Variants in ATXN1 observed in about 807,000 individuals in gnomAD.
The protein encoded by ATXN1 is ataxin 1, also known as ataxin-1.
A neutral mutation model predicts 56.4 loss-of-function variants in ATXN1; 8 were observed. That is an observed-to-expected ratio of 0.14 (90% CI 0.08 to 0.26). The LOEUF is 0.26. ATXN1 is among the 10% of genes least tolerant of loss of function. The probability of loss-of-function intolerance (pLI) is 1.00; values close to 1 mark genes in which losing one functional copy is unlikely to be tolerated. For synonymous variants in ATXN1, 514 were observed against 494.6 expected, an observed-to-expected ratio of 1.04 and a Z score of -0.52; for missense variants, 987 against 1,106.5, an observed-to-expected ratio of 0.89 and a Z score of 1.53.
chr6:16,703,863 T>C (rs1023745665), intron 2 of ATXN1, among the ~76,000 whole-genome samples: 1 of 152,086 alleles, frequency 6.6e-6, no homozygotes, highest in Admixed American at 6.5e-5. Flanking sequence ...CTACTAAAAA[T>C]ACAAAACTAG....
intron 4 of ATXN1, among the ~76,000 whole-genome samples, chr6:16,550,589 C>A (rs1253301127): frequency 6.6e-6 from 1 of 152,152 alleles, no homozygotes; most frequent in African/African-American, 2.4e-5. Flanking sequence ...TACTTAACAA[C>A]CCTAATAAAT....
intron 6 of ATXN1, among the ~76,000 whole-genome samples, chr6:16,341,220 C>T (rs1225206802): frequency 6.6e-6 from 1 of 152,226 alleles, no homozygotes; most frequent in African/African-American, 2.4e-5. Context: ...CTACTGGTTT[C>T]ACTGTGTTTG....
intron 7 of ATXN1, among the ~76,000 whole-genome samples, chr6:16,316,692 A>G (rs899107970): frequency 6.6e-6 from 1 of 152,076 alleles, no homozygotes. Flanking sequence ...GGTTGCAGTG[A>G]GCCAAGATCA....
chr6:16,761,379 C>T lies in ATXN1; in HGVS notation c.-811G>A. 2.2e-6 allele frequency: 1 copy of T among 456,558 alleles called. No individual in the cohort carries two copies. The highest frequency in any genetic ancestry group is 4.4e-6 in the Non-Finnish European group (1 of 226,922). The allele number at this position is 456,558 out of a possible 1,614,324, so 28.3% of individuals were successfully genotyped here. A position where few individuals can be genotyped will look rare whatever the true frequency, so the allele number is the denominator to read the frequency against. On this transcript the variant is annotated 5_prime_UTR_variant, in exon 1 of 8. Transcript: ENST00000436367. ...ACAATGTCTTGCGGCTGCTGTTGCTCTGGCTGCTGCTCCACGGGGCTTGTT... is the reference window on the plus strand; with the variant it reads ...ACAATGTCTTGCGGCTGCTGTTGCTTTGGCTGCTGCTCCACGGGGCTTGTT...
At chr6:16,582,247 C>T (rs1164069324) in intron 4 of ATXN1, among the ~76,000 whole-genome samples, 1 of 152,200 alleles carries the variant, frequency 6.6e-6, no homozygotes, top group Admixed American at 6.5e-5. Flanking sequence ...CAGTTCATCT[C>T]CCCTGTTCCC....
Position 16,440,006 on chromosome 6 carries a change from C to T in ATXN1, c.-161+45966G>A, listed in dbSNP as rs532125862. On this transcript the variant is annotated intron_variant, in intron 6 of 7. Coordinates refer to ENST00000436367, the MANE Select transcript of ATXN1 (RefSeq NM_001128164.2). ...AGGAGAATCACTTGAACCCGGGAGGCGGAGGTTGCAGTGAGCTGAGACGGT... is the reference window on the plus strand; with the variant it reads ...AGGAGAATCACTTGAACCCGGGAGGTGGAGGTTGCAGTGAGCTGAGACGGT... Among the ~76,000 whole-genome samples the T allele has an allele frequency of 3.9e-3, 589 of 149,962 alleles. 2 individuals carry two copies. Among genetic ancestry groups the T allele is most frequent in the African/African-American group, 0.013 (542 of 40,650 alleles).
chr6:16,734,215 A>G (rs1380031596), intron 2 of ATXN1, among the ~76,000 whole-genome samples: 2 of 152,188 alleles, frequency 1.3e-5, no homozygotes, highest in African/African-American at 4.8e-5. Flanking sequence ...TGTTTGCTAC[A>G]AAACATAGCA....
At chr6:16,596,363 G>C (rs3817836) in intron 3 of ATXN1, among the ~76,000 whole-genome samples, 78,914 of 151,896 alleles carry the variant, frequency 0.52, 23,889 homozygotes, top group Non-Finnish European at 0.67. Flanking sequence ...ATCTAAAATC[G>C]GGTGCTGGAT....
rs1369918657 is a variant in ATXN1 at position 16,303,088 on chromosome 6, C to CCACACTT, written c.*3234_*3240dup. The CCACACTT allele has an allele frequency of 6.5e-6, 1 of 152,866 alleles. No individual in the cohort carries two copies. The highest frequency in any genetic ancestry group is 1.5e-5 in the Non-Finnish European group (1 of 68,190). The allele number at this position is 152,866 out of a possible 1,614,324, so 9.5% of individuals were successfully genotyped here. ...GCTCAGAACGCACACACACAACAGG[C>CCACACTT]CACACTTCCCGTCCAGGCTCAGAGG... On this transcript the variant is annotated 3_prime_UTR_variant, in exon 8 of 8. Coordinates refer to ENST00000436367, the MANE Select transcript of ATXN1 (RefSeq NM_001128164.2). The surrounding 1 kb of genome is among the most constrained non-coding windows in gnomAD (Gnocchi z 4.3).
intron 6 of ATXN1, among the ~76,000 whole-genome samples, chr6:16,463,504 A>G (rs982145991): frequency 1.3e-5 from 2 of 152,232 alleles, no homozygotes; most frequent in African/African-American, 4.8e-5. Flanking sequence ...GGATTTCTCA[A>G]GACAGTTTGC....
chr6:16,375,506 T>A (rs796148545), intron 6 of ATXN1, among the ~76,000 whole-genome samples: 17 of 152,304 alleles, frequency 1.1e-4, no homozygotes, highest in African/African-American at 3.8e-4. Flanking sequence ...CAAAAATTCA[T>A]CATTCCCCCT....
chr6:16,660,556 C>A (rs1758295003), intron 2 of ATXN1, among the ~76,000 whole-genome samples: 1 of 152,052 alleles, frequency 6.6e-6, no homozygotes. Context: ...TAAGTCACGG[C>A]CTTTTAAATA....
intron 6 of ATXN1, among the ~76,000 whole-genome samples, chr6:16,429,774 G>A (rs1047110707): frequency 3.3e-5 from 5 of 151,970 alleles, no homozygotes; most frequent in Admixed American, 2.0e-4. Flanking sequence ...AGGCCCATTC[G>A]ATCCACATAA....
intron 6 of ATXN1, among the ~76,000 whole-genome samples, chr6:16,460,374 C>T (rs2113625249): frequency 6.6e-6 from 1 of 152,310 alleles, no homozygotes; most frequent in African/African-American, 2.4e-5. Context: ...GATGTAGTAG[C>T]AAAAGGCTGG....
At chr6:16,527,212 C>T (rs987754909) in intron 4 of ATXN1, among the ~76,000 whole-genome samples, 9 of 151,976 alleles carry the variant, frequency 5.9e-5, no homozygotes, top group African/African-American at 2.2e-4. Flanking sequence ...GGGTGCCATA[C>T]CTCCCCCCGC....
At chr6:16,387,768 T>C (rs1758271400) in intron 6 of ATXN1, among the ~76,000 whole-genome samples, 1 of 152,210 alleles carries the variant, frequency 6.6e-6, no homozygotes, top group South Asian at 2.1e-4. Context: ...ACATAAAATA[T>C]CGAATCAGGC....
Position 16,306,394 on chromosome 6 carries a change from T to C in ATXN1, c.2383A>G (p.Lys795Glu). 6.2e-7 allele frequency: 1 copy of C among 1,614,130 alleles called. No homozygotes were observed. Among genetic ancestry groups the C allele is most frequent in the Non-Finnish European group, 8.5e-7 (1 of 1,180,038 alleles). The stretch of plus-strand genomic sequence containing the variant: ...ACCTCCTGAGGAATTAGAGAAGGCT[T>C]AGGAAGAGTCAAAGGTGGTTCGTCT... ...SEDEPPLTLP[K>E]PSLIPQEVKI... Residue 795 changes from lysine to glutamate, a missense_variant, in exon 8 of 8, where the codon AAG becomes GAG. Around this residue, in one of 3 missense-constraint regions of ATXN1, gnomAD observed 196 missense variants for 196.7 expected, o/e 1.00. Coordinates refer to ENST00000436367, the MANE Select transcript of ATXN1 (RefSeq NM_001128164.2). The surrounding 1 kb of genome is among the most constrained non-coding windows in gnomAD (Gnocchi z 5.2).
At chr6:16,421,636 A>T (rs1287418760) in intron 6 of ATXN1, among the ~76,000 whole-genome samples, 1 of 111,830 alleles carries the variant, frequency 8.9e-6, no homozygotes, top group Non-Finnish European at 1.7e-5. Context: ...AAGCAGGTGC[A>T]GAGTTTCACA....
intron 6 of ATXN1, among the ~76,000 whole-genome samples, chr6:16,441,077 C>T (rs1361226424): frequency 6.6e-6 from 1 of 152,128 alleles, no homozygotes; most frequent in Non-Finnish European, 1.5e-5. Context: ...GCAAGGGGTC[C>T]TGCAGAATCC....
Sources: gnomAD v4.1 joint callset for allele counts (sites outside exome capture counted in the v4.1 genomes callset) on GRCh38, gnomAD v4.1.1 for gene constraint, gnomAD v4.1.1 regional missense constraint, Gnocchi (gnomAD v3.1) non-coding constraint, MANE v1.5 for transcripts, NCBI Gene and HGNC (gene_info 2026-07-23, HGNC 2026-07-21) for gene names.